The following FTO variants were observed in gnomAD, a reference collection of about 807,000 sequenced individuals.
FTO encodes the protein alpha-ketoglutarate-dependent dioxygenase FTO.
A neutral mutation model predicts 63.9 loss-of-function variants in FTO; 47 were observed. The ratio of observed to expected loss-of-function variants is 0.74; its 90% CI spans 0.58 to 0.94. The LOEUF (loss-of-function observed/expected upper bound fraction) is 0.94, where lower values mean the gene tolerates loss of function less well. Ranked by LOEUF, FTO falls within the 40% of genes least tolerant of loss-of-function variation. The pLI, the probability that FTO is intolerant of heterozygous loss-of-function variation, is 0.00. For synonymous variants in FTO, 207 were observed against 224.4 expected (o/e 0.92, Z 0.69); for missense variants, 562 against 618.1 (o/e 0.91, Z 0.96).
chr16:53,960,847 A>G (rs2083061312), intron 8 of FTO, among the ~76,000 whole-genome samples: 1 of 152,132 alleles, frequency 6.6e-6, no homozygotes, highest in South Asian at 2.1e-4. Flanking sequence ...TTTCAGTGAT[A>G]AACTTGTTTG....
At chr16:53,900,601 T>C in intron 7 of FTO, among the ~76,000 whole-genome samples, 1 of 145,720 alleles carries the variant, frequency 6.9e-6, no homozygotes, top group Admixed American at 7.0e-5. Flanking sequence ...TAATCATTCA[T>C]CTGCTCCTTT....
chr16:53,964,096 T>C (rs1395388029), intron 8 of FTO, among the ~76,000 whole-genome samples: 1 of 152,196 alleles, frequency 6.6e-6, no homozygotes, highest in Non-Finnish European at 1.5e-5. Context: ...ACTGTTTTCC[T>C]AAGTGTGGAT....
chr16:53,985,081 T>G (rs1037434234), intron 8 of FTO: 10 of 433,312 alleles, frequency 2.3e-5, no homozygotes, highest in Non-Finnish European at 4.6e-5. Context: ...ACCTGTTTGT[T>G]CCAGTATGTG....
intron 8 of FTO, among the ~76,000 whole-genome samples, chr16:54,067,146 T>A (rs1406676995): frequency 7.3e-5 from 11 of 150,724 alleles, no homozygotes; most frequent in Non-Finnish European, 1.6e-4. Flanking sequence ...GTTGTTTTTT[T>A]TTTGTTTTCT....
At chr16:54,067,724 G>GATGA (rs2144428645) in intron 8 of FTO, among the ~76,000 whole-genome samples, 1 of 152,330 alleles carries the variant, frequency 6.6e-6, no homozygotes, top group African/African-American at 2.4e-5. Flanking sequence ...GTTATTTACA[G>GATGA]ATGAATATTT....
chr16:53,860,245 A>T (rs536829043), intron 4 of FTO, among the ~76,000 whole-genome samples: 1 of 152,348 alleles, frequency 6.6e-6, no homozygotes, highest in Admixed American at 6.5e-5. Context: ...ACATGATCTT[A>T]CTTATATGTG....
chr16:53,795,018 T>C (rs1426268605), intron 1 of FTO, among the ~76,000 whole-genome samples: 6 of 152,144 alleles, frequency 3.9e-5, no homozygotes, highest in Non-Finnish European at 8.8e-5. Flanking sequence ...AAAAGAATCA[T>C]GTTCAGAATA....
chr16:53,859,620 G>A lies in FTO; in HGVS notation c.896-14166G>A, dbSNP rs1039444878. 5.3e-5 allele frequency among the ~76,000 whole-genome samples: 8 copies of A among 151,252 alleles called. No homozygotes were observed. The South Asian group carries it at 6.3e-4, about 12-fold the overall frequency. ...TTAACAAGTAACCTGACCTAAAAAC[G>A]AGCAAAGGACTTGAATAGACATTTC... On this transcript the variant is annotated intron_variant, in intron 4 of 8. Coordinates refer to ENST00000471389, the MANE Select transcript of FTO (RefSeq NM_001080432.3).
intron 7 of FTO, 92 bp from the exon 8 acceptor site, chr16:53,933,893 G>A: frequency 1.6e-6 from 2 of 1,258,894 alleles, no homozygotes; most frequent in Non-Finnish European, 2.2e-6. Flanking sequence ...TAATAAAAAA[G>A]CCATTGATTT....
intron 1 of FTO, among the ~76,000 whole-genome samples, chr16:53,783,757 C>T (rs1184912296): frequency 1.3e-5 from 2 of 152,000 alleles, no homozygotes; most frequent in South Asian, 2.1e-4. Flanking sequence ...CACTGCACTC[C>T]GGCCTGGGTG....
intron 1 of FTO, among the ~76,000 whole-genome samples, chr16:53,708,163 C>G (rs1598459199): frequency 2.0e-5 from 3 of 152,068 alleles, no homozygotes; most frequent in South Asian, 4.1e-4. Flanking sequence ...TAACTTAGAT[C>G]AAGACCAGCC....
chr16:53,776,185 T>C (rs973192551), intron 1 of FTO, among the ~76,000 whole-genome samples: 3 of 152,198 alleles, frequency 2.0e-5, no homozygotes, highest in Non-Finnish European at 4.4e-5. Context: ...GGAGTTGAGC[T>C]CCTTATCCCC....
At chr16:53,907,871 T>A (rs1313756078) in intron 7 of FTO, among the ~76,000 whole-genome samples, 1 of 152,234 alleles carries the variant, frequency 6.6e-6, no homozygotes, top group African/African-American at 2.4e-5. Context: ...TCTGTCTGAC[T>A]AGATCAGGTC....
rs57925273 is a variant in FTO at position 53,950,155 on chromosome 16, T to TAAAAAAAAAAAAAAAAAAAAAAAAAAAAA, written c.1364+16070_1364+16071insAAAAAAAAAAAAAAAAAAAAAAAAAAAAA. Among the ~76,000 whole-genome samples the TAAAAAAAAAAAAAAAAAAAAAAAAAAAAA allele has an allele frequency of 1.4e-3, 73 of 50,604 alleles. 6 individuals carry two copies. Among genetic ancestry groups the TAAAAAAAAAAAAAAAAAAAAAAAAAAAAA allele is most frequent in the South Asian group, 3.2e-3 (3 of 928 alleles). 33.2% of individuals were successfully genotyped at this position (50,604 alleles called of 152,430 possible). ...GGAAAAAAAAAGATATTCACATTTG[T>TAAAAAAAAAAAAAAAAAAAAAAAAAAAAA]AAAAAAAAAAAAAAAAAAAAAAAAC... is the stretch of plus-strand genomic sequence containing the variant. On this transcript the variant is annotated intron_variant, in intron 8 of 8. Coordinates refer to ENST00000471389, the MANE Select transcript of FTO (RefSeq NM_001080432.3).
At chr16:53,958,220 A>G (rs991850507) in intron 8 of FTO, among the ~76,000 whole-genome samples, 3 of 152,138 alleles carry the variant, frequency 2.0e-5, no homozygotes, top group African/African-American at 7.2e-5. Context: ...CCACTTAGAG[A>G]AGGTTAACCA....
chr16:53,775,557 A>G (rs1396311952), intron 1 of FTO, among the ~76,000 whole-genome samples: 1 of 152,164 alleles, frequency 6.6e-6, no homozygotes, highest in Non-Finnish European at 1.5e-5. Context: ...TGTCCTTCTC[A>G]AAAGCTTTCT....
chr16:53,746,689 T>C lies in FTO; in HGVS notation c.45+42460T>C, dbSNP rs147736676. Among the ~76,000 whole-genome samples, 188 of 152,322 alleles carry C rather than the reference T, an allele frequency of 1.2e-3. 4 individuals are homozygous for C. In the East Asian group the frequency reaches 0.033, roughly 27 times the overall value. ...ATCAGGTCAAATACTTACCATTCCT[T>C]TGTGGTTAGAACATTTTAAATGAAC... On this transcript the variant is annotated intron_variant, in intron 1 of 8. Transcript: ENST00000471389.
At chr16:54,084,704 A>G (rs943789559) in intron 8 of FTO, among the ~76,000 whole-genome samples, 4 of 152,142 alleles carry the variant, frequency 2.6e-5, no homozygotes, top group African/African-American at 9.7e-5. Context: ...GGAGCAATCT[A>G]GATACAGGGA....
chr16:53,945,863 T>G (rs1292589248), intron 8 of FTO, among the ~76,000 whole-genome samples: 1 of 152,216 alleles, frequency 6.6e-6, no homozygotes, highest in East Asian at 1.9e-4. Context: ...GTGGGTGCCC[T>G]TAAGGTGAAA....
Sources: gnomAD v4.1 joint callset for allele counts (sites outside exome capture counted in the v4.1 genomes callset) on GRCh38, gnomAD v4.1.1 for gene constraint, MANE v1.5 for transcripts, NCBI Gene and HGNC (gene_info 2026-07-23, HGNC 2026-07-21) for gene names.